Variants in UNC5C observed in about 807,000 individuals in gnomAD.
UNC5C encodes netrin receptor UNC5C.
UNC5C carries 47 observed loss-of-function variants against 99.8 expected under a neutral mutation model. The ratio of observed to expected loss-of-function variants is 0.47; its 90% CI spans 0.37 to 0.60. The LOEUF is 0.60. Ranked by LOEUF, UNC5C falls within the 20% of genes least tolerant of loss-of-function variation. The pLI is 0.00. For synonymous variants in UNC5C, 487 were observed against 452.2 expected, an observed-to-expected ratio of 1.08 and a Z score of -0.98; for missense variants, 1,062 against 1,165.9, an observed-to-expected ratio of 0.91 and a Z score of 1.30.
At chr4:95,321,233 T>C (rs912800822) in intron 2 of UNC5C, among the ~76,000 whole-genome samples, 2 of 152,146 alleles carry the variant, frequency 1.3e-5, no homozygotes, top group Non-Finnish European at 2.9e-5. Flanking sequence ...TCTATAATAC[T>C]GATATTTGCA....
chr4:95,315,765 A>C (rs1017527653), intron 2 of UNC5C, among the ~76,000 whole-genome samples: 2 of 152,226 alleles, frequency 1.3e-5, no homozygotes, highest in Non-Finnish European at 2.9e-5. Context: ...CTATGTTTTT[A>C]GTAAAGGAAA....
At chr4:95,181,625 G>T (rs566124368) in intron 14 of UNC5C, among the ~76,000 whole-genome samples, 1 of 152,112 alleles carries the variant, frequency 6.6e-6, no homozygotes, top group African/African-American at 2.4e-5. Context: ...CTGCGCATCC[G>T]AAGGCCTGGC....
intron 1 of UNC5C, among the ~76,000 whole-genome samples, chr4:95,502,419 C>A (rs777312390): frequency 3.3e-5 from 5 of 152,100 alleles, no homozygotes; most frequent in Non-Finnish European, 5.9e-5. Context: ...CAGTTGCACA[C>A]CACCATGCCC....
At chr4:95,460,895 C>G (rs3846453) in intron 1 of UNC5C, among the ~76,000 whole-genome samples, 61,117 of 152,038 alleles carry the variant, frequency 0.4, 12,500 homozygotes, top group Admixed American at 0.46. Flanking sequence ...AGGAGGAAGC[C>G]ATCATGTGGT....
At chr4:95,188,584 A>T (rs2149353269) in intron 12 of UNC5C, among the ~76,000 whole-genome samples, 1 of 152,362 alleles carries the variant, frequency 6.6e-6, no homozygotes, top group South Asian at 2.1e-4. Context: ...AGCAGATTCC[A>T]CTTAAAAATA....
intron 14 of UNC5C, among the ~76,000 whole-genome samples, chr4:95,172,642 G>T (rs1287490748): frequency 6.6e-6 from 1 of 151,810 alleles, no homozygotes; most frequent in Admixed American, 6.6e-5. Flanking sequence ...GGTTACTGTA[G>T]CCTTGTAGTA....
chr4:95,366,809 C>G (rs1402449181), intron 1 of UNC5C, among the ~76,000 whole-genome samples: 7 of 151,764 alleles, frequency 4.6e-5, no homozygotes, highest in Non-Finnish European at 3.0e-5. Flanking sequence ...AACATTGAGG[C>G]TGTTATTTCA....
At position 95,548,868 on chromosome 4, in the gene UNC5C, G is replaced by T; in HGVS notation, c.-11C>A. On this transcript the variant is annotated 5_prime_UTR_variant, in exon 1 of 16. Transcript: ENST00000453304. ...CAGACCTTTCCTCATCGTAGACAGA[G>T]GTGTGCCGGGGGGAGGGGAGGGGGA... The T allele has an allele frequency of 6.2e-7, 1 of 1,612,438 alleles. No individual in the cohort carries two copies. The highest frequency in any genetic ancestry group is 1.1e-5 in the South Asian group (1 of 91,010).
intron 14 of UNC5C, among the ~76,000 whole-genome samples, chr4:95,170,634 G>C (rs1478621258): frequency 6.6e-6 from 1 of 152,154 alleles, no homozygotes; most frequent in East Asian, 1.9e-4. Context: ...TTACTAATGG[G>C]ATTCTCCAGG....
chr4:95,188,391 C>T (rs1736919477), intron 12 of UNC5C, among the ~76,000 whole-genome samples: 1 of 152,202 alleles, frequency 6.6e-6, no homozygotes, highest in Non-Finnish European at 1.5e-5. Context: ...AGTCGATCAT[C>T]CAGCAACTCC....
chr4:95,357,440 AT>A (rs1034192911), intron 1 of UNC5C, among the ~76,000 whole-genome samples: 5 of 151,272 alleles, frequency 3.3e-5, no homozygotes, highest in Admixed American at 6.6e-5. Flanking sequence ...CTGGCCTTGC[AT>A]TTTTTTTATG....
intron 1 of UNC5C, among the ~76,000 whole-genome samples, chr4:95,342,216 C>A (rs1367373718): frequency 2.0e-5 from 3 of 152,086 alleles, no homozygotes; most frequent in Non-Finnish European, 2.9e-5. Context: ...CTCCCCTAAC[C>A]ATGGGCAGCA....
chr4:95,462,071 G>A (rs574329553), intron 1 of UNC5C, among the ~76,000 whole-genome samples: 1 of 152,086 alleles, frequency 6.6e-6, no homozygotes, highest in South Asian at 2.1e-4. Context: ...ATAGAGAAAA[G>A]GCTATATGCT....
chr4:95,495,743 T>C (rs1721612505), intron 1 of UNC5C, among the ~76,000 whole-genome samples: 1 of 151,672 alleles, frequency 6.6e-6, no homozygotes, highest in Non-Finnish European at 1.5e-5. Flanking sequence ...GAGCTCATCT[T>C]CTTTTAGAGG....
intron 7 of UNC5C, among the ~76,000 whole-genome samples, chr4:95,240,366 A>T (rs983903370): frequency 6.6e-6 from 1 of 152,202 alleles, no homozygotes; most frequent in African/African-American, 2.4e-5. Flanking sequence ...TATAGCTTTC[A>T]CTGTAAAATA....
intron 1 of UNC5C, among the ~76,000 whole-genome samples, chr4:95,386,114 G>A (rs6831311): frequency 6.6e-6 from 1 of 151,984 alleles, no homozygotes; most frequent in Non-Finnish European, 1.5e-5. Flanking sequence ...TGTTTCTCCC[G>A]GTAATTTTTC....
intron 1 of UNC5C, among the ~76,000 whole-genome samples, chr4:95,472,875 G>C (rs1483969590): frequency 6.6e-6 from 1 of 151,056 alleles, no homozygotes; most frequent in Admixed American, 6.6e-5. Flanking sequence ...AATTTACAAG[G>C]ATATTTGGCC....
intron 1 of UNC5C, among the ~76,000 whole-genome samples, chr4:95,534,084 A>G (rs1161069559): frequency 1.3e-5 from 2 of 152,210 alleles, no homozygotes; most frequent in Non-Finnish European, 2.9e-5. Context: ...TAAACGTGGA[A>G]CGTTCCCTAC....
Position 95,169,372 on chromosome 4 carries a change from G to A in UNC5C, c.2658C>T (p.Ser886=). ...GATCCAGGATTACGCCAGTTGGGCT[G>A]GATTTGGTGGCAAAGTAATTCAAGT... The part of the protein sequence containing the change: ...DRYLNYFATK[S]SPTGVILDLW... The change falls in exon 16 of 16, where the codon TCC becomes TCT. Residue 886 remains serine, a synonymous_variant. Coordinates refer to ENST00000453304, the MANE Select transcript of UNC5C (RefSeq NM_003728.4). The A allele has an allele frequency of 6.2e-7, 1 of 1,614,160 alleles. No individual in the cohort carries two copies. The highest frequency in any genetic ancestry group is 8.5e-7 in the Non-Finnish European group (1 of 1,179,996).
Sources: allele counts gnomAD v4.1 joint callset (sites outside exome capture counted in the v4.1 genomes callset), GRCh38; gene constraint gnomAD v4.1.1; transcripts MANE v1.5; gene names NCBI Gene and HGNC (gene_info 2026-07-23, HGNC 2026-07-21).